The following FMNL2 variants were observed in gnomAD, a reference collection of about 807,000 sequenced individuals.
FMNL2 encodes formin-like protein 2.
A neutral mutation model predicts 130.2 loss-of-function variants in FMNL2; 51 were observed. That is an observed-to-expected ratio of 0.39 (90% CI 0.31 to 0.49). The LOEUF is 0.49. Ranked by LOEUF, FMNL2 falls within the 20% of genes least tolerant of loss-of-function variation. The probability of loss-of-function intolerance (pLI) is 0.85; values close to 1 mark genes in which losing one functional copy is unlikely to be tolerated. For synonymous variants in FMNL2, 465 were observed against 467.1 expected (o/e 1.00, Z 0.06); for missense variants, 977 against 1,316.2 (o/e 0.74, Z 3.99).
In FMNL2 at chr2:152,402,794, G is replaced by A. The variant is rs1307038462; in HGVS notation, c.117+67074G>A. ...CCCATTATTATCTTAAGTTAGAATGGTATGTTTATCACACTTAATGAGCCA... is the reference window on the plus strand; with the variant it reads ...CCCATTATTATCTTAAGTTAGAATGATATGTTTATCACACTTAATGAGCCA... On this transcript the variant is annotated intron_variant, in intron 1 of 25. Transcript: ENST00000288670. Among the ~76,000 whole-genome samples, 3 of 152,132 alleles carry A rather than the reference G, an allele frequency of 2.0e-5. No homozygotes were observed. The East Asian group carries it at 5.8e-4, about 29-fold the overall frequency.
chr2:152,597,401 G>T lies in FMNL2; in HGVS notation c.877-9938G>T, dbSNP rs115158478. On this transcript the variant is annotated intron_variant, in intron 9 of 25. Coordinates refer to ENST00000288670, the MANE Select transcript of FMNL2 (RefSeq NM_052905.4). ...TCAAGACAACCATACTTCAATATGC[G>T]GCAGAAATGCTTTATGCAGACTCCC... is the stretch of plus-strand genomic sequence containing the variant. 8.4e-3 allele frequency among the ~76,000 whole-genome samples: 1,282 copies of T among 152,164 alleles called. 20 individuals carry two copies. The highest frequency in any genetic ancestry group is 0.029 in the African/African-American group (1,203 of 41,494).
intron 4 of FMNL2, among the ~76,000 whole-genome samples, chr2:152,549,836 C>T (rs1694840866): frequency 6.6e-6 from 1 of 152,240 alleles, no homozygotes; most frequent in East Asian, 1.9e-4. Context: ...CTCCTTCTGC[C>T]CAAAGCACCT....
chr2:152,649,352 A>AAATTC lies in FMNL2; in HGVS notation c.*1448_*1449insATTCA, dbSNP rs1683879027. ...TAAAATGCATCAGCCTATGCTATAC[A>AAATTC]ATCTGAATGTTATTTTAACTTATAG... On this transcript the variant is annotated 3_prime_UTR_variant, in exon 26 of 26. Transcript: ENST00000288670. 2.0e-5 allele frequency: 3 copies of AAATTC among 152,540 alleles called. No homozygotes were observed. The highest frequency in any genetic ancestry group is 6.6e-5 in the Admixed American group (1 of 15,266). The allele number at this position is 152,540 out of a possible 1,614,324, so 9.4% of individuals were successfully genotyped here. A position where few individuals can be genotyped will look rare whatever the true frequency, so the allele number is the denominator to read the frequency against.
Position 152,335,740 on chromosome 2 carries a change from C to A in FMNL2, c.117+20C>A, listed in dbSNP as rs1466820751. 1.3e-6 allele frequency: 2 copies of A among 1,546,954 alleles called. No individual in the cohort carries two copies. Among genetic ancestry groups the A allele is most frequent in the Admixed American group, 1.9e-5 (1 of 51,956 alleles). ...GTGCTGGTAAGTGCGCGGCGGCGGT[C>A]GGGCGCGGGGACCCGGGGCCCCGGG... On this transcript the variant is annotated intron_variant, in intron 1 of 25. Transcript: ENST00000288670.
chr2:152,554,232 C>T (rs1384341462), intron 4 of FMNL2, among the ~76,000 whole-genome samples: 1 of 152,016 alleles, frequency 6.6e-6, no homozygotes, highest in Non-Finnish European at 1.5e-5. Flanking sequence ...CATGGTGAAC[C>T]CCTGTCTCTA....
intron 21 of FMNL2, among the ~76,000 whole-genome samples, chr2:152,635,689 A>T (rs1441454937): frequency 6.6e-6 from 1 of 152,198 alleles, no homozygotes; most frequent in African/African-American, 2.4e-5. Context: ...GTCCTAAAGA[A>T]GCTGCTCAGG....
At chr2:152,548,653 C>T (rs969910160) in intron 3 of FMNL2, among the ~76,000 whole-genome samples, 8 of 152,170 alleles carry the variant, frequency 5.3e-5, no homozygotes, top group African/African-American at 1.9e-4. Context: ...TACTGTAATA[C>T]ATCATAGCCA....
At chr2:152,390,664 G>C in intron 1 of FMNL2, 1 of 795,592 alleles carries the variant, frequency 1.3e-6, no homozygotes, top group Non-Finnish European at 2.3e-6. Flanking sequence ...TGAACTCTTG[G>C]GGCTGAGCTA....
intron 1 of FMNL2, among the ~76,000 whole-genome samples, chr2:152,430,780 C>T (rs1425587255): frequency 2.6e-5 from 4 of 151,876 alleles, no homozygotes; most frequent in East Asian, 1.9e-4. Context: ...GGCTGAGGCA[C>T]GAGAATTGCT....
chr2:152,506,661 C>CTT (rs1692188708), intron 1 of FMNL2, among the ~76,000 whole-genome samples: 1 of 152,024 alleles, frequency 6.6e-6, no homozygotes, highest in Non-Finnish European at 1.5e-5. Flanking sequence ...AGTATCTAGA[C>CTT]TAGAGGTTTC....
chr2:152,376,358 G>T (rs551779603), intron 1 of FMNL2, among the ~76,000 whole-genome samples: 24 of 152,314 alleles, frequency 1.6e-4, no homozygotes, highest in African/African-American at 5.8e-4. Context: ...TTTCTTAGGA[G>T]CTACTCTTAC....
At chr2:152,348,826 T>G (rs967670796) in intron 1 of FMNL2, among the ~76,000 whole-genome samples, 1 of 111,984 alleles carries the variant, frequency 8.9e-6, no homozygotes, top group Non-Finnish European at 1.8e-5. Flanking sequence ...GGGTTTTTTT[T>G]TTTTTTTTTT....
chr2:152,468,240 CTT>C (rs141947380), intron 1 of FMNL2, among the ~76,000 whole-genome samples: 2,744 of 152,294 alleles, frequency 0.018, 78 homozygotes, highest in African/African-American at 0.059. Context: ...AGATTTCTCT[CTT>C]GTTTCCTCAA....
At chr2:152,536,938 T>A (rs979353138) in intron 2 of FMNL2, among the ~76,000 whole-genome samples, 4 of 152,182 alleles carry the variant, frequency 2.6e-5, no homozygotes, top group Non-Finnish European at 4.4e-5. Flanking sequence ...TAATTTCTCA[T>A]GTAATTGGAT....
intron 1 of FMNL2, among the ~76,000 whole-genome samples, chr2:152,435,855 C>T (rs1006230047): frequency 4.6e-5 from 7 of 152,280 alleles, no homozygotes; most frequent in African/African-American, 1.7e-4. Flanking sequence ...AGGATCTTGA[C>T]TGTCCCTTTC....
At chr2:152,418,938 C>A (rs1362144048) in intron 1 of FMNL2, among the ~76,000 whole-genome samples, 1 of 150,878 alleles carries the variant, frequency 6.6e-6, no homozygotes, top group Non-Finnish European at 1.5e-5. Context: ...CCGAGCCCTC[C>A]ATATCCTTAT....
At chr2:152,445,170 C>T (rs1227638667) in intron 1 of FMNL2, among the ~76,000 whole-genome samples, 1 of 152,230 alleles carries the variant, frequency 6.6e-6, no homozygotes, top group Non-Finnish European at 1.5e-5. Flanking sequence ...GAGTCTTTTA[C>T]ACTCCAGTCT....
intron 6 of FMNL2, among the ~76,000 whole-genome samples, chr2:152,563,557 A>G (rs534098084): frequency 6.6e-6 from 1 of 152,180 alleles, no homozygotes; most frequent in Non-Finnish European, 1.5e-5. Context: ...AAAAACAGCA[A>G]TCAGAAGTAC....
In FMNL2 at chr2:152,649,148, T is replaced by C. The variant is rs1683864385; in HGVS notation, c.*1243T>C. Reference sequence around the variant, plus strand: ...TATAGTATTTAACCGCTGAAGTTCCTATTTTATGTTGTGCTTATGTGAACC... The same window carrying C: ...TATAGTATTTAACCGCTGAAGTTCCCATTTTATGTTGTGCTTATGTGAACC... On this transcript the variant is annotated 3_prime_UTR_variant, in exon 26 of 26. Transcript: ENST00000288670. The C allele has an allele frequency of 6.6e-6, 1 of 152,652 alleles. No individual in the cohort carries two copies. The highest frequency in any genetic ancestry group is 2.4e-5 in the African/African-American group (1 of 41,468). 9.5% of individuals were successfully genotyped at this position (152,652 alleles called of 1,614,324 possible). A position where few individuals can be genotyped will look rare whatever the true frequency, so the allele number is the denominator to read the frequency against.
Sources: allele counts gnomAD v4.1 joint callset (sites outside exome capture counted in the v4.1 genomes callset), GRCh38; gene constraint gnomAD v4.1.1; transcripts MANE v1.5; gene names NCBI Gene and HGNC (gene_info 2026-07-23, HGNC 2026-07-21).